NKAIN3: variants seen among roughly 807,000 people sequenced by gnomAD.
The protein encoded by NKAIN3 is sodium/potassium transporting ATPase interacting 3.
A neutral mutation model predicts 30.2 loss-of-function variants in NKAIN3; 25 were observed. The ratio of observed to expected loss-of-function variants is 0.83; its 90% CI spans 0.60 to 1.16. NKAIN3 has a LOEUF of 1.16. Ranked by LOEUF, NKAIN3 falls within the 50% of genes most tolerant of loss-of-function variation. The pLI, the probability that NKAIN3 is intolerant of heterozygous loss-of-function variation, is 0.00. For missense variants in NKAIN3, 225 were observed against 254.1 expected (o/e 0.89, Z 0.78); for synonymous variants, 91 against 89.6 (o/e 1.02, Z -0.09).
Position 62,982,971 on chromosome 8 carries a change from A to C in NKAIN3, c.*17564A>C, listed in dbSNP as rs1824118818. ...ACTGGGACATGTTTCTTCTTCATTCATGAATAAGTCTAATTTTCTCTCCGG... is the reference window on the plus strand; with the variant it reads ...ACTGGGACATGTTTCTTCTTCATTCCTGAATAAGTCTAATTTTCTCTCCGG... On this transcript the variant is annotated 3_prime_UTR_variant, in exon 7 of 7. Transcript: ENST00000623646. 6.6e-6 allele frequency: 1 copy of C among 152,182 alleles called. No individual in the cohort carries two copies. Among genetic ancestry groups the C allele is most frequent in the African/African-American group, 2.4e-5 (1 of 41,438 alleles). 9.4% of individuals were successfully genotyped at this position (152,182 alleles called of 1,614,324 possible). A position where few individuals can be genotyped will look rare whatever the true frequency, so the allele number is the denominator to read the frequency against.
At chr8:62,706,056 G>A (rs1012446576) in intron 3 of NKAIN3, among the ~76,000 whole-genome samples, 1 of 152,058 alleles carries the variant, frequency 6.6e-6, no homozygotes, top group African/African-American at 2.4e-5. Context: ...TATTTTATTG[G>A]GGAATCCCAA....
chr8:62,952,014 G>A (rs1345104656), intron 5 of NKAIN3, among the ~76,000 whole-genome samples: 1 of 151,790 alleles, frequency 6.6e-6, no homozygotes, highest in East Asian at 1.9e-4. Context: ...TGGCCAGGCT[G>A]GTCTCAAACC....
intron 1 of NKAIN3, among the ~76,000 whole-genome samples, chr8:62,372,579 G>A (rs1195192737): frequency 2.0e-5 from 3 of 151,976 alleles, no homozygotes; most frequent in Non-Finnish European, 2.9e-5. Context: ...AACAATAGAT[G>A]TTATTTAACT....
At chr8:62,373,924 G>A (rs931829192) in intron 1 of NKAIN3, among the ~76,000 whole-genome samples, 2 of 151,776 alleles carry the variant, frequency 1.3e-5, no homozygotes, top group African/African-American at 4.8e-5. Context: ...ACCAACCTGG[G>A]CAACATGGTG....
chr8:62,817,406 G>A (rs1238175354), intron 4 of NKAIN3, among the ~76,000 whole-genome samples: 1 of 152,104 alleles, frequency 6.6e-6, no homozygotes, highest in African/African-American at 2.4e-5. Flanking sequence ...TTTCGAGTGG[G>A]AAGTTTTAGT....
chr8:62,949,104 A>G (rs1823207955), intron 5 of NKAIN3, among the ~76,000 whole-genome samples: 1 of 152,200 alleles, frequency 6.6e-6, no homozygotes. Flanking sequence ...CTTCAACTTC[A>G]TGTGACATGT....
In NKAIN3 at chr8:62,872,733, T is replaced by C. The variant is rs536921850; in HGVS notation, c.472-45720T>C. On this transcript the variant is annotated intron_variant, in intron 4 of 6. Transcript: ENST00000623646. ...CTCAGTCAAGAGAGAGTGAAAAGAA[T>C]TTTCAACTCAGAATTTCATATCCAG... Among the ~76,000 whole-genome samples, 5 of 152,276 alleles carry C rather than the reference T, an allele frequency of 3.3e-5. No individual in the cohort carries two copies. In the South Asian group the frequency reaches 1.0e-3, roughly 32 times the overall value.
At chr8:62,459,982 A>G (rs1050695915) in intron 1 of NKAIN3, among the ~76,000 whole-genome samples, 3 of 152,212 alleles carry the variant, frequency 2.0e-5, no homozygotes, top group Non-Finnish European at 4.4e-5. Context: ...TATTGTGAGA[A>G]TAGACTGTAA....
chr8:62,709,967 T>C (rs564482384), intron 3 of NKAIN3, among the ~76,000 whole-genome samples: 4 of 152,246 alleles, frequency 2.6e-5, no homozygotes, highest in African/African-American at 9.6e-5. Context: ...CTATCTTGAT[T>C]TTATTTTTGA....
At chr8:62,925,111 T>G (rs1302543940) in intron 5 of NKAIN3, among the ~76,000 whole-genome samples, 1 of 152,192 alleles carries the variant, frequency 6.6e-6, no homozygotes, top group Non-Finnish European at 1.5e-5. Context: ...CTCTTCTCCA[T>G]GCCGCAGTAG....
intron 4 of NKAIN3, among the ~76,000 whole-genome samples, chr8:62,794,387 A>G (rs1817794631): frequency 6.6e-6 from 1 of 152,126 alleles, no homozygotes; most frequent in African/African-American, 2.4e-5. Flanking sequence ...TCACTAATGA[A>G]TGCTATTAAT....
At chr8:62,899,647 CA>C (rs1405896368) in intron 4 of NKAIN3, among the ~76,000 whole-genome samples, 1 of 152,000 alleles carries the variant, frequency 6.6e-6, no homozygotes, top group African/African-American at 2.4e-5. Flanking sequence ...AAAGAAGTTA[CA>C]AAGAATGAAT....
In NKAIN3 at chr8:62,990,353, A is replaced by G. The variant is rs1201022465; in HGVS notation, c.533-8878A>G. The stretch of plus-strand genomic sequence containing the variant: ...TAAACCCCAGATTCAACATCTTCCT[A>G]ATCTTTCTAGTGCAGTCTAATATAT... On this transcript the variant is annotated intron_variant, in intron 5 of 5. Coordinates refer to the NKAIN3 transcript ENST00000519049. 2.3e-6 allele frequency: 3 copies of G among 1,326,610 alleles called. No individual in the cohort carries two copies. The African/African-American group carries it at 4.5e-5, about 20-fold the overall frequency. The allele number at this position is 1,326,610 out of a possible 1,614,324, so 82.2% of individuals were successfully genotyped here. A position where few individuals can be genotyped will look rare whatever the true frequency, so the allele number is the denominator to read the frequency against.
intron 3 of NKAIN3, among the ~76,000 whole-genome samples, chr8:62,725,966 A>G (rs1467063497): frequency 2.0e-5 from 3 of 152,054 alleles, no homozygotes; most frequent in Non-Finnish European, 2.9e-5. Flanking sequence ...GATTCTTCCA[A>G]TGCATGAACA....
At chr8:62,953,254 G>C (rs910557724) in intron 5 of NKAIN3, among the ~76,000 whole-genome samples, 4 of 152,116 alleles carry the variant, frequency 2.6e-5, no homozygotes, top group African/African-American at 9.7e-5. Flanking sequence ...ATCTTTAATG[G>C]ACTATGAAAC....
At chr8:62,544,663 G>T (rs1808952046) in intron 1 of NKAIN3, among the ~76,000 whole-genome samples, 1 of 151,904 alleles carries the variant, frequency 6.6e-6, no homozygotes, top group South Asian at 2.1e-4. Context: ...CCTCTTTAAA[G>T]TTTGTTTTAT....
At chr8:62,794,402 A>G (rs1260109531) in intron 4 of NKAIN3, among the ~76,000 whole-genome samples, 1 of 152,194 alleles carries the variant, frequency 6.6e-6, no homozygotes, top group Non-Finnish European at 1.5e-5. Context: ...ATTAATAGAT[A>G]AAATGTCATC....
intron 3 of NKAIN3, among the ~76,000 whole-genome samples, chr8:62,609,050 T>A (rs1811209949): frequency 1.3e-5 from 2 of 152,108 alleles, no homozygotes; most frequent in Non-Finnish European, 2.9e-5. Context: ...AATCTCTAAG[T>A]CTAAACTGTG....
intron 3 of NKAIN3, among the ~76,000 whole-genome samples, chr8:62,654,816 G>A (rs759901881): frequency 6.6e-6 from 1 of 151,784 alleles, no homozygotes. Flanking sequence ...TTAAAAACAA[G>A]GCAAACAAAC....
Sources: gnomAD v4.1 joint callset for allele counts (sites outside exome capture counted in the v4.1 genomes callset) on GRCh38, gnomAD v4.1.1 for gene constraint, MANE v1.5 for transcripts, NCBI Gene and HGNC (gene_info 2026-07-23, HGNC 2026-07-21) for gene names.